ENOSF1: variants seen among roughly 807,000 people sequenced by gnomAD.
ENOSF1 encodes the protein mitochondrial enolase superfamily member 1.
A neutral mutation model predicts 68.2 loss-of-function variants in ENOSF1; 73 were observed. The ratio of observed to expected loss-of-function variants is 1.07; its 90% CI spans 0.89 to 1.30. ENOSF1 has a LOEUF of 1.30. Ranked by LOEUF, ENOSF1 falls within the 50% of genes most tolerant of loss-of-function variation. The pLI is 0.00. For missense variants in ENOSF1, 589 were observed against 554.5 expected, an observed-to-expected ratio of 1.06 and a Z score of -0.62; for synonymous variants, 223 against 210.4, an observed-to-expected ratio of 1.06 and a Z score of -0.52.
At chr18:711,256 A>G (rs1287988812) in intron 1 of ENOSF1, among the ~76,000 whole-genome samples, 3 of 152,240 alleles carry the variant, frequency 2.0e-5, no homozygotes, top group Non-Finnish European at 4.4e-5. Context: ...CTCAAAAAGG[A>G]CATTGTTTTG....
At chr18:689,853 T>C (rs527758769) in intron 8 of ENOSF1, among the ~76,000 whole-genome samples, 1 of 152,140 alleles carries the variant, frequency 6.6e-6, no homozygotes, top group Non-Finnish European at 1.5e-5. Context: ...AAAGGCATGA[T>C]TGTGGGGTTG....
chr18:698,587 T>C (rs2077993588), intron 2 of ENOSF1, among the ~76,000 whole-genome samples: 1 of 151,956 alleles, frequency 6.6e-6, no homozygotes, highest in Admixed American at 6.6e-5. Context: ...TTAATTTGGG[T>C]CGGCATTACC....
downstream of ENOSF1, among the ~76,000 whole-genome samples, chr18:665,575 CTTGCTT>C (rs1316448922): frequency 9.2e-6 from 1 of 108,394 alleles, no homozygotes; most frequent in African/African-American, 4.8e-5. Context: ...TGTGTTTGCT[CTTGCTT>C]TTCTAGTTCT....
chr18:712,628 A>C lies in ENOSF1; in HGVS notation c.-41T>G. 2 of 1,444,614 alleles carry C rather than the reference A, an allele frequency of 1.4e-6. No homozygotes were observed. The highest frequency in any genetic ancestry group is 1.8e-6 in the Non-Finnish European group (2 of 1,093,946). 89.5% of individuals were successfully genotyped at this position (1,444,614 alleles called of 1,614,324 possible). On this transcript the variant is annotated 5_prime_UTR_variant, in exon 1 of 16. Transcript: ENST00000647584. ...TGGCCGCGGCCCCCGTGCGGTCAGG[A>C]CTGGTCGGGATCCCGAGCGCGCGGC...
chr18:693,363 C>T, intron 5 of ENOSF1: 1 of 1,185,354 alleles, frequency 8.4e-7, no homozygotes, highest in East Asian at 5.9e-5. Context: ...GCTCTGTCAC[C>T]TGAGTGCAGT....
At chr18:677,527 T>C (rs2075635741) in intron 13 of ENOSF1, 83 bp from the exon 14 acceptor site, 3 of 1,315,764 alleles carry the variant, frequency 2.3e-6, no homozygotes, top group Non-Finnish European at 2.1e-6. Flanking sequence ...GTTTTTCTTA[T>C]TGCCCACAGG....
chr18:689,497 G>A (rs916517792), intron 8 of ENOSF1, among the ~76,000 whole-genome samples: 7 of 152,084 alleles, frequency 4.6e-5, no homozygotes, highest in African/African-American at 9.7e-5. Flanking sequence ...GGCCAGGCTG[G>A]TTTTGAACTT....
At chr18:690,428 G>A in intron 8 of ENOSF1, 121 bp downstream of exon 8, 3 of 1,140,100 alleles carry the variant, frequency 2.6e-6, no homozygotes, top group Non-Finnish European at 3.9e-6. Context: ...GCGTGAGAAG[G>A]AAAACCACAC....
rs182907440 is a variant in ENOSF1, at chr18:682,466, A to G, written c.876+780T>C. 5.9e-5 allele frequency among the ~76,000 whole-genome samples: 9 copies of G among 152,290 alleles called. No individual in the cohort carries two copies. In the East Asian group the frequency reaches 1.7e-3, roughly 29 times the overall value. ...TTCAGCTCCATTATAAGCTTATGGG[A>G]TTATATATACTGCGCCATTATATAG... On this transcript the variant is annotated intron_variant, in intron 11 of 15. Coordinates refer to ENST00000647584, the MANE Select transcript of ENOSF1 (RefSeq NM_017512.7).
At chr18:708,647 C>T (rs959543037) in intron 1 of ENOSF1, among the ~76,000 whole-genome samples, 4 of 151,966 alleles carry the variant, frequency 2.6e-5, no homozygotes, top group African/African-American at 4.8e-5. Context: ...AGAGGGAGAG[C>T]GCTTTATGAT....
rs776324514 is a variant in ENOSF1, at chr18:697,378, TTG to T, written c.194-25_194-24del. ...CAACTATTTAAAAAGGATTGAACTC[TTG>T]TTTATGCTTCTATACTAGGTCAAGA... On this transcript the variant is annotated intron_variant, in intron 2 of 15. Coordinates refer to ENST00000647584, the MANE Select transcript of ENOSF1 (RefSeq NM_017512.7). 39 of 659,650 alleles carry T rather than the reference TTG, an allele frequency of 5.9e-5. 2 individuals carry two copies. In the South Asian group the frequency reaches 6.8e-4, roughly 12 times the overall value. The allele number at this position is 659,650 out of a possible 1,614,324, so 40.9% of individuals were successfully genotyped here.
chr18:708,379 C>T (rs1388701578), intron 1 of ENOSF1, among the ~76,000 whole-genome samples: 1 of 151,934 alleles, frequency 6.6e-6, no homozygotes, highest in African/African-American at 2.4e-5. Context: ...TTTGAGAAGA[C>T]CTGCTTATAG....
chr18:670,049 T>A (rs553001489), downstream of ENOSF1, among the ~76,000 whole-genome samples: 255 of 148,222 alleles, frequency 1.7e-3, no homozygotes, highest in African/African-American at 4.8e-3. Flanking sequence ...AGACTTATTT[T>A]TTTTTTTTTT....
At chr18:704,701 G>A (rs541599307) in intron 2 of ENOSF1, among the ~76,000 whole-genome samples, 1 of 151,136 alleles carries the variant, frequency 6.6e-6, no homozygotes, top group South Asian at 2.1e-4. Flanking sequence ...CAACTCCCAG[G>A]TTCAAGCAAT....
chr18:666,947 ATGG>A (rs1567989573), downstream of ENOSF1, among the ~76,000 whole-genome samples: 5 of 32,688 alleles, frequency 1.5e-4, no homozygotes, highest in African/African-American at 5.7e-4. Context: ...GGAGATGGTG[ATGG>A]TGATGGAGAT....
intron 14 of ENOSF1, among the ~76,000 whole-genome samples, chr18:676,253 T>C (rs1243343671): frequency 6.6e-6 from 1 of 152,160 alleles, no homozygotes. Flanking sequence ...GGCAGGCTGA[T>C]ATGGTTTGGA....
intron 1 of ENOSF1, among the ~76,000 whole-genome samples, chr18:710,364 C>A (rs1315948070): frequency 6.6e-6 from 1 of 152,182 alleles, no homozygotes; most frequent in Non-Finnish European, 1.5e-5. Flanking sequence ...CCTGCCTTGG[C>A]CTTCCAAAGT....
chr18:701,843 C>G (rs908406127), intron 2 of ENOSF1, among the ~76,000 whole-genome samples: 1 of 151,512 alleles, frequency 6.6e-6, no homozygotes, highest in African/African-American at 2.4e-5. Context: ...TTGCTTGAAC[C>G]TAGGAGGCAG....
At chr18:697,843 G>C (rs942541581) in intron 2 of ENOSF1, among the ~76,000 whole-genome samples, 1 of 152,072 alleles carries the variant, frequency 6.6e-6, no homozygotes, top group Non-Finnish European at 1.5e-5. Flanking sequence ...ACCCAGGCTT[G>C]AGTGCAGTGG....
Sources: allele counts gnomAD v4.1 joint callset (sites outside exome capture counted in the v4.1 genomes callset), GRCh38; gene constraint gnomAD v4.1.1; transcripts MANE v1.5; gene names NCBI Gene and HGNC (gene_info 2026-07-23, HGNC 2026-07-21).